Variants in USP34 observed in about 807,000 individuals in gnomAD.
The protein encoded by USP34 is ubiquitin carboxyl-terminal hydrolase 34.
A neutral mutation model predicts 460.3 loss-of-function variants in USP34; 70 were observed. That is an observed-to-expected ratio of 0.15 (90% CI 0.13 to 0.19). The LOEUF (loss-of-function observed/expected upper bound fraction) is 0.19, where lower values mean the gene tolerates loss of function less well. Among genes scored for constraint, USP34 ranks in the 10% least tolerant of loss-of-function variants. The pLI, the probability that USP34 is intolerant of heterozygous loss-of-function variation, is 1.00. For missense variants in USP34, 3,985 were observed against 4,236.2 expected (o/e 0.94, Z 1.65); for synonymous variants, 1,647 against 1,405.3 (o/e 1.17, Z -3.85).
chr2:61,377,977 A>G (rs1488170457), intron 8 of USP34, among the ~76,000 whole-genome samples: 1 of 152,222 alleles, frequency 6.6e-6, no homozygotes, highest in African/African-American at 2.4e-5. Context: ...CTACAAGACT[A>G]GACTGAGCAA....
At chr2:61,253,733 T>C (rs1688648134) in intron 48 of USP34, among the ~76,000 whole-genome samples, 3 of 151,932 alleles carry the variant, frequency 2.0e-5, no homozygotes, top group African/African-American at 7.2e-5. Context: ...TTGCTGTTTT[T>C]ATTGCTTTTT....
intron 44 of USP34, among the ~76,000 whole-genome samples, chr2:61,258,060 AAGG>A (rs1418449138): frequency 6.6e-6 from 1 of 152,082 alleles, no homozygotes; most frequent in East Asian, 1.9e-4. Context: ...GCTCTGTTAA[AAGG>A]AGATTAAAGG....
chr2:61,214,753 C>A, intron 67 of USP34, 59 bp from the exon 68 acceptor site: 3 of 1,553,472 alleles, frequency 1.9e-6, no homozygotes, highest in Non-Finnish European at 2.6e-6. Flanking sequence ...GACTGAACAG[C>A]AGTCATTAAT....
intron 20 of USP34, among the ~76,000 whole-genome samples, chr2:61,330,770 GA>G (rs1691235976): frequency 6.6e-6 from 1 of 150,674 alleles, no homozygotes; most frequent in Non-Finnish European, 1.5e-5. Context: ...CAAATCACTT[GA>G]ATATATCCAG....
intron 1 of USP34, among the ~76,000 whole-genome samples, chr2:61,454,001 G>C (rs1386624470): frequency 2.0e-5 from 3 of 151,940 alleles, no homozygotes; most frequent in African/African-American, 7.3e-5. Context: ...CAGTAGGTAA[G>C]TATAAACTCA....
intron 1 of USP34, among the ~76,000 whole-genome samples, chr2:61,439,489 G>T (rs915628363): frequency 2.0e-5 from 3 of 152,126 alleles, no homozygotes; most frequent in Non-Finnish European, 4.4e-5. Flanking sequence ...GGAAGGGGCC[G>T]TTTCCATTTC....
At chr2:61,284,769 T>C in intron 35 of USP34, 106 bp downstream of exon 35, 1 of 832,598 alleles carries the variant, frequency 1.2e-6, no homozygotes, top group Non-Finnish European at 1.8e-6. Context: ...TTCATCATAA[T>C]ATCCCCCAAA....
intron 20 of USP34, among the ~76,000 whole-genome samples, chr2:61,330,853 C>T (rs1691238503): frequency 6.6e-6 from 1 of 152,052 alleles, no homozygotes; most frequent in South Asian, 2.1e-4. Context: ...ACGTCCTAAA[C>T]TTTCTAATAC....
rs750905677 is a variant in USP34, at chr2:61,241,658, T to G, written c.6682-3A>C. The G allele has an allele frequency of 1.3e-6, 2 of 1,569,904 alleles. No individual in the cohort carries two copies. Among genetic ancestry groups the G allele is most frequent in the Non-Finnish European group, 1.7e-6 (2 of 1,164,978 alleles). Reference sequence around the variant, plus strand: ...AACAGCATATATGCACTGTGTGTCTTTAAGAGGCAAGAAAAAAATTTATTT... The same window carrying G: ...AACAGCATATATGCACTGTGTGTCTGTAAGAGGCAAGAAAAAAATTTATTT... On this transcript the variant is annotated splice_polypyrimidine_tract_variant and splice_region_variant and intron_variant, in intron 52 of 79. Transcript: ENST00000398571.
chr2:61,222,898 T>C, intron 64 of USP34, 162 bp downstream of exon 64: 1 of 707,884 alleles, frequency 1.4e-6, no homozygotes, highest in Non-Finnish European at 2.3e-6. Flanking sequence ...GTTCTCACTA[T>C]GTTGCCTAGG....
chr2:61,231,628 T>C (rs1380986585), intron 58 of USP34, among the ~76,000 whole-genome samples: 7 of 151,548 alleles, frequency 4.6e-5, no homozygotes, highest in Non-Finnish European at 1.0e-4. Context: ...GGTGGGAGAA[T>C]TGCTTGAGCC....
In USP34 at chr2:61,190,798, C is replaced by T. The variant is rs564885436; in HGVS notation, c.9589-140G>A. On this transcript the variant is annotated intron_variant, in intron 76 of 79. Transcript: ENST00000398571. ...GAAAATCCTACTTGAAAAGCCATGT[C>T]TAACTCACCTATTGAATTTTTAGTT... The T allele has an allele frequency of 6.2e-5, 63 of 1,013,716 alleles. 1 individual carries two copies. The East Asian group carries it at 7.6e-4, about 12-fold the overall frequency. The allele number at this position is 1,013,716 out of a possible 1,614,324, so 62.8% of individuals were successfully genotyped here.
Position 61,394,990 on chromosome 2 carries a change from G to A in USP34, c.616C>T (p.Pro206Ser), listed in dbSNP as rs1469759099. 1.9e-6 allele frequency: 3 copies of A among 1,589,796 alleles called. No individual in the cohort carries two copies. The highest frequency in any genetic ancestry group is 2.6e-6 in the Non-Finnish European group (3 of 1,173,046). ...CATACATAACGAAGCAAATGCAATG[G>A]TACTTCTACATCCTGGGAAAATAAA... ...AFCDMNDVEVPLHLLRYVCLF... is the reference protein window; with the variant it reads ...AFCDMNDVEVSLHLLRYVCLF... Residue 206 changes from proline to serine, a missense_variant, in exon 5 of 80, where the codon CCA becomes TCA. Pro to Ser is a moderately conservative substitution (Grantham distance 74). Coordinates refer to ENST00000398571, the MANE Select transcript of USP34 (RefSeq NM_014709.4).
chr2:61,336,529 G>C (rs1357563333), intron 18 of USP34, among the ~76,000 whole-genome samples: 2 of 150,646 alleles, frequency 1.3e-5, no homozygotes, highest in African/African-American at 4.9e-5. Context: ...AAAACCTCAA[G>C]CTGGGTGCAG....
At chr2:61,236,447 AAT>A in intron 53 of USP34, 58 bp from the exon 54 acceptor site, 1 of 1,283,592 alleles carries the variant, frequency 7.8e-7, no homozygotes, top group Non-Finnish European at 1.1e-6. Context: ...ACATTTTACC[AAT>A]ATTTTTATTA....
Position 61,348,121 on chromosome 2 carries a change from G to A in USP34, c.2034C>T (p.Asn678=). The change falls in exon 15 of 80, where the codon AAC becomes AAT. Residue 678 remains asparagine, a synonymous_variant. Transcript: ENST00000398571. ...TATCTACTGATGGCAATGATTCAGT[G>A]TTAAAAACCAGGTCCTTTCCTGTTC... The part of the protein sequence containing the change: ...SSGTGKDLVF[N]TESLPSVDNR... The A allele has an allele frequency of 6.2e-7, 1 of 1,614,178 alleles. No individual in the cohort carries two copies. The highest frequency in any genetic ancestry group is 1.1e-5 in the South Asian group (1 of 91,076).
At chr2:61,359,831 A>G (rs1038707429) in intron 10 of USP34, among the ~76,000 whole-genome samples, 8 of 139,564 alleles carry the variant, frequency 5.7e-5, no homozygotes, top group African/African-American at 1.9e-4. Flanking sequence ...CACCCAGCCT[A>G]AAGTGCTCGG....
At chr2:61,403,262 T>C (rs571921585) in intron 3 of USP34, among the ~76,000 whole-genome samples, 1 of 152,130 alleles carries the variant, frequency 6.6e-6, no homozygotes, top group African/African-American at 2.4e-5. Flanking sequence ...ATTTAGAGAT[T>C]ACCATTTTTG....
In USP34 at chr2:61,280,363, T is replaced by G. The variant is rs1689497685; in HGVS notation, c.5152-15A>C. On this transcript the variant is annotated splice_polypyrimidine_tract_variant and intron_variant, in intron 38 of 79. Coordinates refer to ENST00000398571, the MANE Select transcript of USP34 (RefSeq NM_014709.4). ...TAATCATCTATCTATTAAAAAAATT[T>G]TATACTTTGTGAAAACATTTTAAAA... 1 of 1,302,582 alleles carries G rather than the reference T, an allele frequency of 7.7e-7. No individual in the cohort carries two copies. The highest frequency in any genetic ancestry group is 2.6e-5 in the East Asian group (1 of 37,736). 80.7% of individuals were successfully genotyped at this position (1,302,582 alleles called of 1,614,324 possible).
Sources: gnomAD v4.1 joint callset for allele counts (sites outside exome capture counted in the v4.1 genomes callset) on GRCh38, gnomAD v4.1.1 for gene constraint, MANE v1.5 for transcripts, NCBI Gene and HGNC (gene_info 2026-07-23, HGNC 2026-07-21) for gene names.